Variants in PRL observed in about 807,000 individuals in gnomAD.
The protein encoded by PRL is decidual prolactin.
Under a neutral mutation model 21.3 loss-of-function variants are expected in PRL, and 24 were observed. The observed-to-expected ratio is 1.13, with a 90% CI of 0.82 to 1.59. The LOEUF (loss-of-function observed/expected upper bound fraction) is 1.59, where lower values mean the gene tolerates loss of function less well. Among genes scored for constraint, PRL ranks in the 40% most tolerant of loss-of-function variants. The pLI, the probability that PRL is intolerant of heterozygous loss-of-function variation, is 0.00. For synonymous variants in PRL, 118 were observed against 115.7 expected, an observed-to-expected ratio of 1.02 and a Z score of -0.13; for missense variants, 243 against 286.9, an observed-to-expected ratio of 0.85 and a Z score of 1.10.
chr6:22,298,045 T>C (rs1258909657), upstream of PRL, among the ~76,000 whole-genome samples: 1 of 152,204 alleles, frequency 6.6e-6, no homozygotes, highest in Non-Finnish European at 1.5e-5. Context: ...AGTGATGCAG[T>C]AGTTTTCCAG....
chr6:22,290,431 G>A, intron 3 of PRL, 78 bp from the exon 4 acceptor site: 1 of 1,208,326 alleles, frequency 8.3e-7, no homozygotes, highest in East Asian at 2.5e-5. Flanking sequence ...TTTGCTTAGA[G>A]AGGCTGTACT....
At chr6:22,302,746 T>C (rs1761304624) in intron 1 of PRL, among the ~76,000 whole-genome samples, 1 of 152,170 alleles carries the variant, frequency 6.6e-6, no homozygotes, top group Admixed American at 6.5e-5. Context: ...ATTAATAAAC[T>C]GTAGGGAACT....
intron 2 of PRL, 61 bp downstream of exon 2, chr6:22,294,348 C>G: frequency 1.2e-5 from 19 of 1,593,716 alleles, no homozygotes; most frequent in Non-Finnish European, 1.6e-5. Context: ...TAACATGTAG[C>G]AGAGCCCAGT....
At chr6:22,296,424 T>C (rs1040497613) in intron 1 of PRL, among the ~76,000 whole-genome samples, 3 of 152,236 alleles carry the variant, frequency 2.0e-5, no homozygotes, top group Non-Finnish European at 4.4e-5. Context: ...GTCTATTTTA[T>C]GGCTTCACAA....
upstream of PRL, among the ~76,000 whole-genome samples, chr6:22,298,032 G>A (rs1761213182): frequency 6.6e-6 from 1 of 152,142 alleles, no homozygotes; most frequent in South Asian, 2.1e-4. Context: ...TTTATTTTGG[G>A]GAAGTGATGC....
upstream of PRL, among the ~76,000 whole-genome samples, chr6:22,297,933 A>G (rs1442113322): frequency 1.3e-5 from 2 of 152,236 alleles, no homozygotes; most frequent in Non-Finnish European, 2.9e-5. Flanking sequence ...ATCAGGAGTC[A>G]TATGAGGAAG....
intron 3 of PRL, among the ~76,000 whole-genome samples, chr6:22,291,210 A>G (rs1217573416): frequency 6.6e-6 from 1 of 152,174 alleles, no homozygotes; most frequent in African/African-American, 2.4e-5. Context: ...GAAACATGTA[A>G]GAGGATATGA....
intron 3 of PRL, among the ~76,000 whole-genome samples, chr6:22,292,306 T>G (rs1761067084): frequency 6.6e-6 from 1 of 152,244 alleles, no homozygotes; most frequent in Non-Finnish European, 1.5e-5. Context: ...AATAATGTTA[T>G]CTGCAAGGAC....
chr6:22,288,921 T>TGTGTGCGC lies in PRL; in HGVS notation c.492+1252_492+1253insGCGCACAC, dbSNP rs1279532220. Among the ~76,000 whole-genome samples, 2 of 150,110 alleles carry TGTGTGCGC rather than the reference T, an allele frequency of 1.3e-5. No individual in the cohort carries two copies. The highest frequency in any genetic ancestry group is 4.9e-5 in the African/African-American group (2 of 40,652). Reference sequence around the variant, plus strand: ...GTGTGTGCGCGCGCGTGTGTGTGCGTGCGCGTGTGTGTGCATGTGTGTGTG... The same window carrying TGTGTGCGC: ...GTGTGTGCGCGCGCGTGTGTGTGCGTGTGTGCGCGCGCGTGTGTGTGCATGTGTGTGTG... On this transcript the variant is annotated intron_variant, in intron 4 of 4. Transcript: ENST00000306482. The surrounding 1 kb of genome is among the most constrained non-coding windows in gnomAD (Gnocchi z 4.5).
At chr6:22,296,140 G>A (rs1399327176) in intron 1 of PRL, among the ~76,000 whole-genome samples, 3 of 152,164 alleles carry the variant, frequency 2.0e-5, no homozygotes, top group African/African-American at 7.2e-5. Context: ...ATTCACAACT[G>A]GATAGATGTT....
At chr6:22,294,323 G>A (rs539428949) in intron 2 of PRL, 86 bp downstream of exon 2, 3 of 1,509,448 alleles carry the variant, frequency 2.0e-6, no homozygotes, top group East Asian at 2.3e-5. Context: ...ATTTGGCTCG[G>A]GAGGTTTTCT....
intron 4 of PRL, 34 bp from the exon 5 acceptor site, chr6:22,287,627 A>C (rs1422902787): frequency 2.7e-6 from 4 of 1,504,232 alleles, no homozygotes; most frequent in Non-Finnish European, 3.6e-6. Flanking sequence ...CTTATTCTTC[A>C]TATTATTAGT....
At chr6:22,299,343 G>A (rs192728992), upstream of PRL, among the ~76,000 whole-genome samples, 14 of 152,278 alleles carry the variant, frequency 9.2e-5, no homozygotes, top group East Asian at 2.7e-3. Context: ...TGATGCTAAA[G>A]TTCCCATGCT....
At position 22,292,587 on chromosome 6, in the gene PRL, G is replaced by C; in HGVS notation, c.263C>G (p.Thr88Ser). 1 of 1,614,132 alleles carries C rather than the reference G, an allele frequency of 6.2e-7. No homozygotes were observed. The highest frequency in any genetic ancestry group is 8.5e-7 in the Non-Finnish European group (1 of 1,180,022). Residue 88 changes from threonine (T) to serine (S), a missense_variant, in exon 3 of 5, where the codon ACT becomes AGT. Thr to Ser is a moderately conservative substitution (Grantham distance 58, BLOSUM62 1). Coordinates refer to ENST00000306482, the MANE Select transcript of PRL (RefSeq NM_000948.6). ...GTCTTCGGGGGTGGCAAGGGAAGAA[G>C]TGTGGCAGCTGTTGATGGCCTTGGT... ...FITKAINSCH[T>S]SSLATPEDKE...
Position 22,287,324 on chromosome 6 carries a change from A to G in PRL, c.*78T>C, listed in dbSNP as rs552110596. ...TGTTACACCCAAGCATGGATTCAAA[A>G]GAGATACAACTAAAAGAAGCTTGCA... On this transcript the variant is annotated 3_prime_UTR_variant, in exon 5 of 5. Coordinates refer to ENST00000306482, the MANE Select transcript of PRL (RefSeq NM_000948.6). 1.4e-6 allele frequency: 2 copies of G among 1,397,118 alleles called. No individual in the cohort carries two copies. Among genetic ancestry groups the G allele is most frequent in the South Asian group, 3.3e-5 (2 of 60,948 alleles). The allele number at this position is 1,397,118 out of a possible 1,614,324, so 86.5% of individuals were successfully genotyped here. A position where few individuals can be genotyped will look rare whatever the true frequency, so the allele number is the denominator to read the frequency against.
upstream of PRL, among the ~76,000 whole-genome samples, chr6:22,297,862 G>T (rs114055161): frequency 2.0e-5 from 3 of 152,266 alleles, no homozygotes; most frequent in Admixed American, 2.0e-4. Flanking sequence ...AGTCACTTGC[G>T]CACCAGCCTA....
chr6:22,290,332 T>G lies in PRL; in HGVS notation c.334A>C (p.Ile112Leu). Residue 112 changes from isoleucine (I) to leucine (L), a missense_variant, in exon 4 of 5, where the codon ATA (isoleucine) becomes CTA (leucine). Coordinates refer to ENST00000306482, the MANE Select transcript of PRL (RefSeq NM_000948.6). ...TTCCAGGATCGCAATATGCTGACTA[T>G]CAGGCTCAGAAAGTCTTTTTGCTAC... ...QMNQKDFLSL[I>L]VSILRSWNEP... 1 of 1,598,532 alleles carries G rather than the reference T, an allele frequency of 6.3e-7. No homozygotes were observed. Among genetic ancestry groups the G allele is most frequent in the Non-Finnish European group, 8.6e-7 (1 of 1,169,086 alleles).
chr6:22,298,205 C>T (rs536812958), upstream of PRL, among the ~76,000 whole-genome samples: 17 of 152,280 alleles, frequency 1.1e-4, no homozygotes, highest in East Asian at 2.9e-3. Flanking sequence ...ATCTCTCTAC[C>T]TTCTCTGACC....
chr6:22,296,962 T>C lies in PRL; in HGVS notation c.21A>G (p.Pro7=). 1 of 1,614,056 alleles carries C rather than the reference T, an allele frequency of 6.2e-7. No homozygotes were observed. The part of the protein sequence containing the change: MNIKGS[P]WKGSLLLLLV... ...GTGAGTTGTCACACATACCTTTCCA[T>C]GGCGATCCTTTGATGTTCATGTTCG... The change falls in exon 1 of 5, where the codon CCA becomes CCG. Residue 7 remains proline (P), a synonymous_variant. Transcript: ENST00000306482.
Sources: allele counts gnomAD v4.1 joint callset (sites outside exome capture counted in the v4.1 genomes callset), GRCh38; gene constraint gnomAD v4.1.1; non-coding constraint Gnocchi (gnomAD v3.1); transcripts MANE v1.5; gene names NCBI Gene and HGNC (gene_info 2026-07-23, HGNC 2026-07-21).